The following INTS8 variants were observed in gnomAD, a reference collection of about 807,000 sequenced individuals.
INTS8 encodes protein kaonashi-1.
Under a neutral mutation model 138.9 loss-of-function variants are expected in INTS8, and 47 were observed. The ratio of observed to expected loss-of-function variants is 0.34; its 90% confidence interval spans 0.27 to 0.43. The LOEUF (loss-of-function observed/expected upper bound fraction) is 0.43. Among genes scored for constraint, INTS8 ranks in the 20% least tolerant of loss-of-function variants. The pLI is 1.00. For missense variants in INTS8, 996 were observed against 1,173.0 expected (o/e 0.85, Z 2.20); for synonymous variants, 392 against 400.9 (o/e 0.98, Z 0.27).
At chr8:94,838,055 T>G (rs2131009242) in intron 7 of INTS8, among the ~76,000 whole-genome samples, 1 of 150,942 alleles carries the variant, frequency 6.6e-6, no homozygotes, top group East Asian at 1.9e-4. Flanking sequence ...TTTTTTTTTT[T>G]TTTTTTCCTG....
chr8:94,876,047 A>T (rs1392247594), intron 23 of INTS8, 27 bp from the exon 24 acceptor site: 1 of 1,471,474 alleles, frequency 6.8e-7, no homozygotes, highest in African/African-American at 1.4e-5. Flanking sequence ...ATTACATGAA[A>T]CCATTTTCAA....
intron 9 of INTS8, among the ~76,000 whole-genome samples, chr8:94,841,849 C>T (rs1349865031): frequency 6.6e-6 from 1 of 152,096 alleles, no homozygotes; most frequent in Non-Finnish European, 1.5e-5. Context: ...GGGTGGATCA[C>T]TTGAGGTCAG....
chr8:94,830,883 T>C (rs11778250), intron 5 of INTS8, among the ~76,000 whole-genome samples: 33,425 of 151,992 alleles, frequency 0.22, 3,773 homozygotes, highest in Middle Eastern at 0.27. Context: ...CTGCAACCTC[T>C]GCCTCCCGGG....
At chr8:94,828,127 C>A (rs941458849) in intron 4 of INTS8, among the ~76,000 whole-genome samples, 2 of 150,778 alleles carry the variant, frequency 1.3e-5, no homozygotes, top group South Asian at 4.2e-4. Flanking sequence ...GCAGCCTCCA[C>A]CTCCTGGGTT....
rs1479343935 is a variant in INTS8, at chr8:94,829,017, T to C, written c.561T>C (p.Ile187=). Residue 187 remains isoleucine (I), a synonymous_variant, in exon 5 of 27, where the codon ATT becomes ATC. Transcript: ENST00000523731. The part of the protein sequence containing the change: ...MQQEKELTEN[I]LKVLKEQAAD... ...AGGAAAAAGAGCTAACAGAAAACAT[T>C]TTGAAAGTGGTAAGTATTGGCATCA... The C allele has an allele frequency of 6.3e-7, 1 of 1,599,552 alleles. No homozygotes were observed. Among genetic ancestry groups the C allele is most frequent in the African/African-American group, 1.3e-5 (1 of 74,148 alleles).
intron 5 of INTS8, among the ~76,000 whole-genome samples, chr8:94,830,832 C>A (rs1385937785): frequency 6.6e-6 from 1 of 152,194 alleles, no homozygotes. Context: ...GAGTCTTGCT[C>A]TGTTGCCCAG....
intron 16 of INTS8, among the ~76,000 whole-genome samples, chr8:94,862,896 G>A (rs1311789710): frequency 1.3e-5 from 2 of 151,894 alleles, no homozygotes; most frequent in Non-Finnish European, 2.9e-5. Context: ...AGTCTGAAAG[G>A]ATATTAACAG....
At chr8:94,839,187 G>C (rs940495411) in intron 8 of INTS8, among the ~76,000 whole-genome samples, 4 of 152,180 alleles carry the variant, frequency 2.6e-5, no homozygotes, top group African/African-American at 9.6e-5. Context: ...GAGCCCACCT[G>C]CTCTTGAGCC....
chr8:94,847,336 C>T (rs1256446828), intron 10 of INTS8, among the ~76,000 whole-genome samples: 2 of 152,202 alleles, frequency 1.3e-5, no homozygotes, highest in Admixed American at 1.3e-4. Context: ...GCCATGACAC[C>T]TGGCCGATGC....
At chr8:94,862,770 A>G (rs1816038907) in intron 16 of INTS8, among the ~76,000 whole-genome samples, 1 of 149,942 alleles carries the variant, frequency 6.7e-6, no homozygotes. Flanking sequence ...GAATTAGAGA[A>G]AGAAGTTTAG....
At chr8:94,832,800 G>T (rs570747343) in intron 6 of INTS8, among the ~76,000 whole-genome samples, 1 of 151,954 alleles carries the variant, frequency 6.6e-6, no homozygotes, top group East Asian at 1.9e-4. Context: ...GACTACAGGC[G>T]CCTGCCACCA....
chr8:94,825,400 C>G (rs1814457735), intron 2 of INTS8, among the ~76,000 whole-genome samples: 1 of 151,012 alleles, frequency 6.6e-6, no homozygotes, highest in Non-Finnish European at 1.5e-5. Flanking sequence ...CTACTGCACT[C>G]CAGCCTGGGC....
chr8:94,827,223 C>T lies in INTS8; in HGVS notation c.306-40C>T, dbSNP rs113370119. The stretch of plus-strand genomic sequence containing the variant: ...TTTTGTATGTATTTTGTGTTTCTTT[C>T]ACAATTAATGTGCAAACATGTACGT... On this transcript the variant is annotated intron_variant, in intron 2 of 26. Transcript: ENST00000523731. 4.9e-4 allele frequency: 770 copies of T among 1,581,442 alleles called. 4 individuals carry two copies. The African/African-American group carries it at 8.7e-3, about 18-fold the overall frequency.
At position 94,829,038 on chromosome 8, in the gene INTS8, C is replaced by T. The variant is rs566305659; in HGVS notation, c.570+12C>T. 1 of 1,583,510 alleles carries T rather than the reference C, an allele frequency of 6.3e-7. No homozygotes were observed. The highest frequency in any genetic ancestry group is 1.1e-5 in the South Asian group (1 of 89,090). On this transcript the variant is annotated intron_variant, in intron 5 of 26. Coordinates refer to ENST00000523731, the MANE Select transcript of INTS8 (RefSeq NM_017864.4). ...ACATTTTGAAAGTGGTAAGTATTGG[C>T]ATCAGTTACACAGTAACACTTCAGG... is the stretch of plus-strand genomic sequence containing the variant.
At chr8:94,840,348 ATTAGT>A (rs1477324475) in intron 8 of INTS8, among the ~76,000 whole-genome samples, 2 of 152,076 alleles carry the variant, frequency 1.3e-5, no homozygotes, top group East Asian at 3.9e-4. Context: ...GTAGTGGCTG[ATTAGT>A]TTAATTTTCA....
At position 94,880,795 on chromosome 8, in the gene INTS8, A is replaced by T. The variant is rs906254863; in HGVS notation, c.*561A>T. 4.3e-5 allele frequency: 17 copies of T among 398,458 alleles called. No homozygotes were observed. Among genetic ancestry groups the T allele is most frequent in the Non-Finnish European group, 7.1e-5 (16 of 225,766 alleles). The allele number at this position is 398,458 out of a possible 1,614,324, so 24.7% of individuals were successfully genotyped here. ...AAAAAATTCCTTAGGGATATCTTAG[A>T]GTAGTAAAGTGACTTCCTCATATAA... On this transcript the variant is annotated 3_prime_UTR_variant, in exon 27 of 27. Coordinates refer to ENST00000523731, the MANE Select transcript of INTS8 (RefSeq NM_017864.4).
chr8:94,852,241 C>G (rs1815573213), intron 13 of INTS8, among the ~76,000 whole-genome samples: 1 of 152,138 alleles, frequency 6.6e-6, no homozygotes, highest in Admixed American at 6.5e-5. Context: ...CCACGTCTGG[C>G]TGCATTTTAA....
Position 94,859,568 on chromosome 8 carries a change from G to C in INTS8, c.2012G>C (p.Arg671Thr). 1 of 1,612,732 alleles carries C rather than the reference G, an allele frequency of 6.2e-7. No individual in the cohort carries two copies. The highest frequency in any genetic ancestry group is 8.5e-7 in the Non-Finnish European group (1 of 1,178,868). ...EECVAFMLNW[R>T]ENEYLTLQVP... is the part of the protein sequence containing the mutation. ...TGTGTTGCCTTTATGTTAAACTGGAGAGAAAATGAATACCTTACACTCCAA... is the reference window on the plus strand; with the variant it reads ...TGTGTTGCCTTTATGTTAAACTGGACAGAAAATGAATACCTTACACTCCAA... Residue 671 changes from arginine to threonine, a missense_variant, in exon 16 of 27, where the codon AGA (arginine) becomes ACA (threonine). Coordinates refer to ENST00000523731, the MANE Select transcript of INTS8 (RefSeq NM_017864.4).
chr8:94,833,766 G>A (rs555483150), intron 6 of INTS8, among the ~76,000 whole-genome samples: 1 of 152,150 alleles, frequency 6.6e-6, no homozygotes, highest in East Asian at 1.9e-4. Context: ...TCATTTCCTG[G>A]CATGACAATG....
Sources: allele counts gnomAD v4.1 joint callset (sites outside exome capture counted in the v4.1 genomes callset), GRCh38; gene constraint gnomAD v4.1.1; transcripts MANE v1.5; gene names NCBI Gene and HGNC (gene_info 2026-07-23, HGNC 2026-07-21).